The following HCN2 variants were observed in gnomAD, a reference collection of about 807,000 sequenced individuals.
The protein encoded by HCN2 is hyperpolarization activated cyclic nucleotide gated potassium and sodium channel 2.
A neutral mutation model predicts 52.3 loss-of-function variants in HCN2; 20 were observed. The observed-to-expected ratio is 0.38, with a 90% CI of 0.27 to 0.56. The LOEUF (loss-of-function observed/expected upper bound fraction) is 0.56, where lower values mean the gene tolerates loss of function less well. Ranked by LOEUF, HCN2 falls within the 20% of genes least tolerant of loss-of-function variation. HCN2 has a pLI of 0.71. For synonymous variants in HCN2, 694 were observed against 537.0 expected (o/e 1.29, Z -4.04); for missense variants, 981 against 1,207.7 (o/e 0.81, Z 2.78).
Position 615,924 on chromosome 19 carries a change from T to G in HCN2, c.2120T>G (p.Leu707Arg), listed in dbSNP as rs1366875972. Residue 707 changes from leucine to arginine, a missense_variant, in exon 8 of 8, where the codon CTG becomes CGG. Transcript: ENST00000251287. Reference sequence around the variant, plus strand: ...CGCGAGATGGTGCAGCAGGCCGAGCTGGGTCAGCGCGTGGGCCTCTTCCCG... The same window carrying G: ...CGCGAGATGGTGCAGCAGGCCGAGCGGGGTCAGCGCGTGGGCCTCTTCCCG... ...YDREMVQQAE[L>R]GQRVGLFPPP... The G allele has an allele frequency of 3.7e-6, 6 of 1,611,472 alleles. No individual in the cohort carries two copies. Among genetic ancestry groups the G allele is most frequent in the Non-Finnish European group, 5.1e-6 (6 of 1,179,678 alleles).
In HCN2 at chr19:614,023, G is replaced by GGGTCGGGGGCGT. The variant is rs1983787988; in HGVS notation, c.1990+9_1990+10insTCGGGGGCGTGG. On this transcript the variant is annotated splice_region_variant and intron_variant, in intron 7 of 7. Transcript: ENST00000251287. ...GACCGCCTGGACCGCATCGGTGAGC[G>GGGTCGGGGGCGT]GGCCGGGGGCGTGGCCGGGGCGGGT... is the stretch of plus-strand genomic sequence containing the variant. 1.3e-6 allele frequency: 2 copies of GGGTCGGGGGCGT among 1,568,662 alleles called. No individual in the cohort carries two copies. Among genetic ancestry groups the GGGTCGGGGGCGT allele is most frequent in the African/African-American group, 2.8e-5 (2 of 71,522 alleles).
intron 1 of HCN2, among the ~76,000 whole-genome samples, chr19:594,855 G>A (rs1366637574): frequency 6.6e-6 from 1 of 152,020 alleles, no homozygotes; most frequent in South Asian, 2.1e-4. Context: ...GGTCGGGGTG[G>A]CCAAGGCCTC....
chr19:612,439 G>A (rs116329187), intron 5 of HCN2, among the ~76,000 whole-genome samples: 5,384 of 92,342 alleles, frequency 0.058, 114 homozygotes, highest in African/African-American at 0.078. Flanking sequence ...AGAGAGAGAT[G>A]GAGTCTCGCT....
intron 4 of HCN2, among the ~76,000 whole-genome samples, chr19:608,915 G>A (rs1395895075): frequency 6.6e-6 from 1 of 152,178 alleles, no homozygotes; most frequent in Non-Finnish European, 1.5e-5. Flanking sequence ...TGGCAGTGGA[G>A]GGGACACGGG....
Position 603,537 on chromosome 19 carries a change from C to T in HCN2, c.633-7C>T, listed in dbSNP as rs773147621. On this transcript the variant is annotated splice_polypyrimidine_tract_variant and splice_region_variant and intron_variant, in intron 1 of 7. Transcript: ENST00000251287. Reference sequence around the variant, plus strand: ...CCGGCCTGAGGTGTGGGCACCCTCGCCCCCAGGTTCTACTGGGACTTCACC... The same window carrying T: ...CCGGCCTGAGGTGTGGGCACCCTCGTCCCCAGGTTCTACTGGGACTTCACC... 1.6e-5 allele frequency: 25 copies of T among 1,597,530 alleles called. No homozygotes were observed. Among genetic ancestry groups the T allele is most frequent in the Admixed American group, 3.4e-5 (2 of 59,506 alleles).
intron 5 of HCN2, among the ~76,000 whole-genome samples, chr19:610,956 G>A (rs570894068): frequency 8.8e-4 from 134 of 152,268 alleles, no homozygotes; most frequent in Admixed American, 3.4e-3. Flanking sequence ...TGCCTCTTCC[G>A]GCGTCTGGGG....
At chr19:595,335 C>T (rs960044246) in intron 1 of HCN2, among the ~76,000 whole-genome samples, 4 of 151,540 alleles carry the variant, frequency 2.6e-5, no homozygotes, top group African/African-American at 7.3e-5. Context: ...CCGCCTCTCT[C>T]CTGCCAGATG....
chr19:595,749 G>C (rs1424141689), intron 1 of HCN2, among the ~76,000 whole-genome samples: 1 of 152,214 alleles, frequency 6.6e-6, no homozygotes, highest in Admixed American at 6.5e-5. Context: ...ACCCGTAGCA[G>C]CTCCCTTTCT....
intron 6 of HCN2, 88 bp downstream of exon 6, chr19:613,576 G>C: frequency 2.2e-6 from 1 of 456,998 alleles, no homozygotes; most frequent in Non-Finnish European, 3.1e-6. Context: ...CGGGGCCGGG[G>C]CCGGGGATGG....
At chr19:608,413 A>G (rs1431726112) in intron 4 of HCN2, among the ~76,000 whole-genome samples, 2 of 152,014 alleles carry the variant, frequency 1.3e-5, no homozygotes, top group African/African-American at 4.8e-5. Flanking sequence ...GGGGAGAGGC[A>G]GTCTCAGCCC....
Position 603,766 on chromosome 19 carries a change from G to T in HCN2, c.855G>T (p.Lys285Asn). ...IILDPEKIKKKYLRTWFVVDF... is the reference protein window; with the variant it reads ...IILDPEKIKKNYLRTWFVVDF... ...TGGACCCCGAGAAGATCAAGAAGAA[G>T]TATCTGCGCACGTGGTTCGTGGTGG... The change falls in exon 2 of 8, where the codon AAG (lysine) becomes AAT (asparagine). Residue 285 changes from lysine to asparagine, a missense_variant. By Grantham distance (94) the Lys-to-Asn change is moderately conservative. Around this residue, in one of 6 missense-constraint regions of HCN2, gnomAD observed 282 missense variants for 553.8 expected, o/e 0.51. Coordinates refer to ENST00000251287, the MANE Select transcript of HCN2 (RefSeq NM_001194.4). The T allele has an allele frequency of 3.1e-6, 5 of 1,612,926 alleles. No individual in the cohort carries two copies. The highest frequency in any genetic ancestry group is 4.2e-6 in the Non-Finnish European group (5 of 1,179,824).
chr19:611,294 G>A (rs2144528043), intron 5 of HCN2, among the ~76,000 whole-genome samples: 1 of 152,350 alleles, frequency 6.6e-6, no homozygotes, highest in East Asian at 1.9e-4. Flanking sequence ...TCAGGAAGCG[G>A]GGCCTAGGGA....
chr19:612,154 A>AGGGC (rs1418006917), intron 5 of HCN2, among the ~76,000 whole-genome samples: 24 of 152,072 alleles, frequency 1.6e-4, no homozygotes, highest in African/African-American at 5.6e-4. Flanking sequence ...CAAAAAAAAA[A>AGGGC]AAAGTACCAA....
rs1982824929 is a variant in HCN2, at chr19:590,208, C to A, written c.263C>A (p.Pro88Gln). 1 of 983,182 alleles carries A rather than the reference C, an allele frequency of 1.0e-6. No individual in the cohort carries two copies. Among genetic ancestry groups the A allele is most frequent in the South Asian group, 4.4e-5 (1 of 22,482 alleles). The allele number at this position is 983,182 out of a possible 1,614,324, so 60.9% of individuals were successfully genotyped here. The change falls in exon 1 of 8, where the codon CCG becomes CAG. Residue 88 changes from proline (P) to glutamine (Q), a missense_variant. Physicochemically the swap from Pro to Gln is moderately conservative, Grantham distance 76. Transcript: ENST00000251287. This position sits in a 1 kb window ranked among gnomAD's most constrained non-coding sequence, Gnocchi z 7.2. ...RDSSCGRPGT[P>Q]GAASTAKGSP... is the part of the protein sequence containing the mutation. The stretch of plus-strand genomic sequence containing the variant: ...AGCTCGTGCGGCCGCCCCGGCACCC[C>A]GGGCGCGGCGAGCACGGCCAAGGGC...
chr19:597,046 C>T (rs1054678714), intron 1 of HCN2, among the ~76,000 whole-genome samples: 2 of 152,192 alleles, frequency 1.3e-5, no homozygotes, highest in Non-Finnish European at 2.9e-5. Flanking sequence ...CTGGTGACGA[C>T]GAGGGTTGCG....
intron 7 of HCN2, among the ~76,000 whole-genome samples, chr19:614,718 G>A (rs1983821688): frequency 6.6e-6 from 1 of 152,098 alleles, no homozygotes; most frequent in Non-Finnish European, 1.5e-5. Flanking sequence ...GCATCAGGGA[G>A]CCATGGAGGG....
In HCN2 at chr19:613,475, C is replaced by T; in HGVS notation, c.1812C>T (p.Gly604=). Reference sequence around the variant, plus strand: ...ACAAGGAGATGAAGCTGTCCGATGGCTCCTACTTCGGGGGTGAGCTTGAGG... The same window carrying T: ...ACAAGGAGATGAAGCTGTCCGATGGTTCCTACTTCGGGGGTGAGCTTGAGG... The part of the protein sequence containing the change: ...KGNKEMKLSD[G]SYFGEICLLT... The change falls in exon 6 of 8, where the codon GGC becomes GGT. Residue 604 remains glycine, a synonymous_variant. Transcript: ENST00000251287. The T allele has an allele frequency of 5.7e-6, 9 of 1,573,614 alleles. No homozygotes were observed. Among genetic ancestry groups the T allele is most frequent in the Non-Finnish European group, 6.1e-6 (7 of 1,154,184 alleles).
intron 7 of HCN2, among the ~76,000 whole-genome samples, chr19:614,740 C>T (rs977238854): frequency 4.6e-5 from 7 of 151,714 alleles, no homozygotes; most frequent in South Asian, 4.2e-4. Flanking sequence ...TCTAGGTGGG[C>T]GGAGGACCTG....
At chr19:593,704 C>T (rs1024936654) in intron 1 of HCN2, among the ~76,000 whole-genome samples, 4 of 152,076 alleles carry the variant, frequency 2.6e-5, no homozygotes, top group African/African-American at 9.7e-5. Flanking sequence ...CCCGGCCTGA[C>T]GTCTGAAAGT....
Sources: allele counts gnomAD v4.1 joint callset (sites outside exome capture counted in the v4.1 genomes callset), GRCh38; gene constraint gnomAD v4.1.1; regional missense constraint gnomAD v4.1.1; non-coding constraint Gnocchi (gnomAD v3.1); transcripts MANE v1.5; gene names NCBI Gene and HGNC (gene_info 2026-07-23, HGNC 2026-07-21).